The following FTCD variants were observed in gnomAD, a reference collection of about 807,000 sequenced individuals.
The protein encoded by FTCD is formimidoyltransferase cyclodeaminase, also known as formimidoyltransferase-cyclodeaminase.
A neutral mutation model predicts 62.9 loss-of-function variants in FTCD; 76 were observed. The ratio of observed to expected loss-of-function variants is 1.21; its 90% CI spans 1.00 to 1.46. The LOEUF (loss-of-function observed/expected upper bound fraction) is 1.46, where lower values mean the gene tolerates loss of function less well. Ranked by LOEUF, FTCD falls within the 40% of genes most tolerant of loss-of-function variation. The pLI, the probability that FTCD is intolerant of heterozygous loss-of-function variation, is 0.00. For synonymous variants in FTCD, 397 were observed against 336.9 expected (o/e 1.18, Z -1.95); for missense variants, 845 against 751.3 (o/e 1.12, Z -1.46).
chr21:46,148,630 C>T (rs576196053), intron 7 of FTCD, among the ~76,000 whole-genome samples: 63 of 152,288 alleles, frequency 4.1e-4, no homozygotes, highest in African/African-American at 1.5e-3. Context: ...AAAGAAGTAA[C>T]AAATTAAATT....
intron 3 of FTCD, 79 bp from the exon 4 acceptor site, chr21:46,152,059 C>A (rs2079299728): frequency 1.0e-6 from 1 of 993,710 alleles, no homozygotes; most frequent in Non-Finnish European, 1.5e-6. Flanking sequence ...GGTGGAGGGG[C>A]TCCCTCCAGC....
intron 2 of FTCD, 30 bp downstream of exon 2, chr21:46,154,119 G>T: frequency 6.2e-7 from 1 of 1,607,304 alleles, no homozygotes; most frequent in Non-Finnish European, 8.5e-7. Flanking sequence ...TCTGAGACAC[G>T]GCAGCCACAG....
intron 5 of FTCD, 86 bp from the exon 6 acceptor site, chr21:46,150,611 A>T (rs2079247189): frequency 1.5e-5 from 21 of 1,362,338 alleles, no homozygotes; most frequent in Non-Finnish European, 2.0e-5. Context: ...TGCATTCCCC[A>T]GCTGGACGGG....
At chr21:46,139,187 T>C in intron 10 of FTCD, 1 of 551,972 alleles carries the variant, frequency 1.8e-6, no homozygotes, top group Non-Finnish European at 3.3e-6. Context: ...GCCCTTATTC[T>C]CAGCTAAAGA....
chr21:46,142,356 T>TA lies in FTCD; in HGVS notation c.1260+3060dup, dbSNP rs1286221884. On this transcript the variant is annotated intron_variant, in intron 10 of 13. Transcript: ENST00000397746. ...ACCTTCACAGTGAGCCATAAGCTCT[T>TA]ACAGGTGGCGCGTCGGGAGCTGTTT... 1.3e-4 allele frequency: 19 copies of TA among 147,106 alleles called. 2 individuals are homozygous for TA. Among genetic ancestry groups the TA allele is most frequent in the African/African-American group, 4.7e-4 (18 of 38,542 alleles). The allele number at this position is 147,106 out of a possible 1,614,324, so 9.1% of individuals were successfully genotyped here. A position where few individuals can be genotyped will look rare whatever the true frequency, so the allele number is the denominator to read the frequency against.
rs2123593565 is a variant in FTCD, at chr21:46,155,541, A to G, written c.-18T>C. ...TGGGACATGGCCAGCACCTTGATCC[A>G]GATGCTCCTCTCTGGGCAGATGGAA... On this transcript the variant is annotated 5_prime_UTR_variant, in exon 1 of 14. Coordinates refer to ENST00000397746, the MANE Select transcript of FTCD (RefSeq NM_206965.2). The G allele has an allele frequency of 1.2e-6, 2 of 1,611,210 alleles. No homozygotes were observed. Among genetic ancestry groups the G allele is most frequent in the Non-Finnish European group, 1.7e-6 (2 of 1,178,450 alleles).
rs774392425 is a variant in FTCD, at chr21:46,150,405, TCTC to T, written c.754_756del (p.Glu252del). 14 of 1,612,374 alleles carry T rather than the reference TCTC, an allele frequency of 8.7e-6. No homozygotes were observed. In the Middle Eastern group the frequency reaches 1.3e-3, roughly 155 times the overall value. ...GGGCTCACCTGTGCTTCTCGGCAGG[TCTC>T]CTCGTAGACCGTGTGCAGTGCCGTG... On this transcript the variant is annotated inframe_deletion, in exon 6 of 14. Coordinates refer to ENST00000397746, the MANE Select transcript of FTCD (RefSeq NM_206965.2).
chr21:46,146,087 C>T (rs981754901), intron 8 of FTCD, 140 bp from the exon 9 acceptor site: 5 of 715,694 alleles, frequency 7.0e-6, no homozygotes, highest in Non-Finnish European at 1.2e-5. Flanking sequence ...GGGACCCGGC[C>T]GGGGTCTCTG....
At chr21:46,139,856 G>A (rs73161653) in intron 10 of FTCD, among the ~76,000 whole-genome samples, 9,312 of 152,246 alleles carry the variant, frequency 0.061, 386 homozygotes, top group Middle Eastern at 0.13. Context: ...CTCAAGCTGC[G>A]ACTCGCGCTA....
At chr21:46,138,375 C>T (rs530022937) in intron 12 of FTCD, 133 bp downstream of exon 12, 92 of 839,970 alleles carry the variant, frequency 1.1e-4, no homozygotes, top group African/African-American at 8.4e-4. Context: ...GCCAAAGCCC[C>T]GGGAACTGCC....
intron 7 of FTCD, chr21:46,146,551 C>A: frequency 1.7e-6 from 1 of 592,348 alleles, no homozygotes; most frequent in Non-Finnish European, 3.0e-6. Context: ...CTTCTGGAAA[C>A]AGCCATCACC....
At position 46,150,164 on chromosome 21, in the gene FTCD, C is replaced by T. The variant is rs774045878; in HGVS notation, c.861G>A (p.Glu287=). ...CCTCCAGGATGAAGAGGTTCTCCTTCTCGCAGTAGAAGGCGGCCGCATCCA... is the reference window on the plus strand; with the variant it reads ...CCTCCAGGATGAAGAGGTTCTCCTTTTCGCAGTAGAAGGCGGCCGCATCCA... ...ALLDAAAFYC[E]KENLFILEEE... is the part of the protein sequence containing the mutation. Residue 287 remains glutamate (E), a synonymous_variant, in exon 7 of 14, where the codon GAG becomes GAA. Coordinates refer to ENST00000397746, the MANE Select transcript of FTCD (RefSeq NM_206965.2). 1 of 1,610,056 alleles carries T rather than the reference C, an allele frequency of 6.2e-7. No homozygotes were observed. Among genetic ancestry groups the T allele is most frequent in the Non-Finnish European group, 8.5e-7 (1 of 1,178,754 alleles).
intron 5 of FTCD, among the ~76,000 whole-genome samples, chr21:46,150,899 G>A (rs997952741): frequency 3.3e-5 from 5 of 152,252 alleles, no homozygotes; most frequent in Non-Finnish European, 5.9e-5. Flanking sequence ...CCTCAGCCCC[G>A]CACTTGTCGG....
intron 2 of FTCD, among the ~76,000 whole-genome samples, chr21:46,153,436 G>C (rs1041184881): frequency 1.3e-5 from 2 of 152,148 alleles, no homozygotes; most frequent in Admixed American, 6.5e-5. Context: ...GGGCGCTCGA[G>C]GCTGGGTTCC....
rs773166369 is a variant in FTCD at position 46,145,472 on chromosome 21, G to C, written c.1205C>G (p.Ser402Trp). Residue 402 changes from serine (S) to tryptophan (W), a missense_variant, in exon 10 of 14, where the codon TCG (serine) becomes TGG (tryptophan). Ser to Trp is a radical substitution (Grantham distance 177, BLOSUM62 -3). Coordinates refer to ENST00000397746, the MANE Select transcript of FTCD (RefSeq NM_206965.2). ...RRLIPPFREA[S>W]AKLTTLVDAD... is the part of the protein sequence containing the mutation. ...ATCCACCAGCGTGGTTAGCTTGGCC[G>C]AAGCCTCGCGGAAGGGCGGGATCAG... 3.2e-6 allele frequency: 5 copies of C among 1,558,938 alleles called. No homozygotes were observed. The highest frequency in any genetic ancestry group is 4.3e-6 in the Non-Finnish European group (5 of 1,152,374).
chr21:46,137,445 C>T (rs1030627737), intron 12 of FTCD, 111 bp from the exon 13 acceptor site: 20 of 846,552 alleles, frequency 2.4e-5, no homozygotes, highest in African/African-American at 3.3e-5. Context: ...CTCCTCCTCA[C>T]AAGGAGCCCA....
chr21:46,154,247 G>T lies in FTCD; in HGVS notation c.140C>A (p.Thr47Asn). The T allele has an allele frequency of 6.2e-7, 1 of 1,612,780 alleles. No individual in the cohort carries two copies. The highest frequency in any genetic ancestry group is 1.7e-4 in the Middle Eastern group (1 of 6,036). The change falls in exon 2 of 14, where the codon ACC (threonine) becomes AAC (asparagine). Residue 47 changes from threonine (T) to asparagine (N), a missense_variant. Transcript: ENST00000397746. Reference protein sequence around the residue: ...DVDAGPSTNRTVYTFVGPPEC... With the variant: ...DVDAGPSTNRNVYTFVGPPEC... ...CGGCGGCCCCACGAAGGTGTACACGGTGCGGTTGGTGGAAGGGCCTGCGTC... is the reference window on the plus strand; with the variant it reads ...CGGCGGCCCCACGAAGGTGTACACGTTGCGGTTGGTGGAAGGGCCTGCGTC...
chr21:46,150,518 C>A lies in FTCD; in HGVS notation c.644G>T (p.Arg215Leu). The A allele has an allele frequency of 6.2e-7, 1 of 1,613,276 alleles. No individual in the cohort carries two copies. The highest frequency in any genetic ancestry group is 8.5e-7 in the Non-Finnish European group (1 of 1,179,968). The change falls in exon 6 of 14, where the codon CGT (arginine) becomes CTT (leucine). Residue 215 changes from arginine (R) to leucine (L), a missense_variant. Coordinates refer to ENST00000397746, the MANE Select transcript of FTCD (RefSeq NM_206965.2). ...GCCAATGCCCTGAACTTTCTTCAGA[C>A]GTCCTGGCTGCAAAGGAAGAGCGTT... Reference protein sequence around the residue: ...EQGRGKDQPGRLKKVQGIGWY... With the variant: ...EQGRGKDQPGLLKKVQGIGWY...
chr21:46,137,177 CCT>C (rs2078888325), intron 13 of FTCD, 60 bp downstream of exon 13: 5 of 1,585,846 alleles, frequency 3.2e-6, no homozygotes, highest in Non-Finnish European at 4.3e-6. Context: ...CGGCAATCAC[CCT>C]GAGGCTGTGA....
Sources: allele counts gnomAD v4.1 joint callset (sites outside exome capture counted in the v4.1 genomes callset), GRCh38; gene constraint gnomAD v4.1.1; transcripts MANE v1.5; gene names NCBI Gene and HGNC (gene_info 2026-07-23, HGNC 2026-07-21).